The following CACNA2D1 variants were observed in gnomAD, a reference collection of about 807,000 sequenced individuals.
CACNA2D1 encodes the protein calcium voltage-gated channel auxiliary subunit alpha2delta 1, also known as voltage-dependent calcium channel subunit alpha-2/delta-1.
In CACNA2D1, 53 loss-of-function variants were observed where a neutral mutation model predicts 171.5. The observed-to-expected ratio is 0.31, with a 90% CI of 0.25 to 0.39. CACNA2D1 has a LOEUF of 0.39. CACNA2D1 is among the 10% of genes least tolerant of loss of function. CACNA2D1 has a pLI of 1.00. For synonymous variants in CACNA2D1, 442 were observed against 443.1 expected (o/e 1.00, Z 0.03); for missense variants, 903 against 1,299.8 (o/e 0.69, Z 4.69).
intron 6 of CACNA2D1, among the ~76,000 whole-genome samples, chr7:82,104,518 GT>G (rs1428052895): frequency 4.6e-5 from 7 of 151,932 alleles, no homozygotes; most frequent in African/African-American, 1.4e-4. Context: ...CTTAAGGACT[GT>G]TTATTCAAAT....
At chr7:82,111,444 A>ATATATT (rs1207440298) in intron 6 of CACNA2D1, among the ~76,000 whole-genome samples, 49 of 69,954 alleles carry the variant, frequency 7.0e-4, no homozygotes, top group South Asian at 1.5e-3. Context: ...ATATATATAT[A>ATATATT]TTTTTTTTTT....
chr7:82,353,712 A>G (rs1820104757), intron 1 of CACNA2D1, among the ~76,000 whole-genome samples: 1 of 152,140 alleles, frequency 6.6e-6, no homozygotes, highest in Non-Finnish European at 1.5e-5. Context: ...CAGTCATCAA[A>G]TAAGGTGAGA....
intron 6 of CACNA2D1, among the ~76,000 whole-genome samples, chr7:82,085,532 A>G (rs1460446430): frequency 6.9e-6 from 1 of 144,072 alleles, no homozygotes; most frequent in Non-Finnish European, 1.6e-5. Context: ...AAAAAAAAAA[A>G]AAAGAAAAAA....
intron 4 of CACNA2D1, among the ~76,000 whole-genome samples, chr7:82,146,949 C>T (rs1793196888): frequency 1.5e-5 from 2 of 130,012 alleles, no homozygotes; most frequent in Admixed American, 1.8e-4. Context: ...AGCACCACTG[C>T]TCTCCAGCCT....
intron 3 of CACNA2D1, among the ~76,000 whole-genome samples, chr7:82,303,301 C>G (rs1813283547): frequency 6.6e-6 from 1 of 152,100 alleles, no homozygotes; most frequent in Admixed American, 6.6e-5. Context: ...GCCACCACAT[C>G]CGGCCAACAT....
chr7:81,979,410 G>T (rs1345237619), intron 24 of CACNA2D1, among the ~76,000 whole-genome samples: 1 of 152,112 alleles, frequency 6.6e-6, no homozygotes, highest in Non-Finnish European at 1.5e-5. Flanking sequence ...AGAATTGAGA[G>T]ATATATCTAT....
At chr7:82,359,549 C>T (rs929352917) in intron 1 of CACNA2D1, among the ~76,000 whole-genome samples, 7 of 152,090 alleles carry the variant, frequency 4.6e-5, no homozygotes, top group African/African-American at 7.2e-5. Context: ...TCTTTAAATA[C>T]GTTTTCTTTC....
At chr7:82,004,735 A>G (rs965794260) in intron 18 of CACNA2D1, among the ~76,000 whole-genome samples, 2 of 152,210 alleles carry the variant, frequency 1.3e-5, no homozygotes, top group Non-Finnish European at 2.9e-5. Context: ...AGACGTCTAA[A>G]TAAATTTTGC....
At chr7:81,983,195 A>G in intron 23 of CACNA2D1, 119 bp downstream of exon 23, 4 of 849,824 alleles carry the variant, frequency 4.7e-6, no homozygotes, top group Non-Finnish European at 7.7e-6. Flanking sequence ...TTGAGTGATC[A>G]TGAAGGAAAA....
chr7:82,184,874 C>T (rs1563171171), intron 3 of CACNA2D1, among the ~76,000 whole-genome samples: 1 of 152,090 alleles, frequency 6.6e-6, no homozygotes, highest in African/African-American at 2.4e-5. Context: ...TACTCTTTAC[C>T]AAGCACTTTA....
chr7:82,402,603 C>T (rs530604280), intron 1 of CACNA2D1, among the ~76,000 whole-genome samples: 12 of 143,628 alleles, frequency 8.4e-5, no homozygotes, highest in African/African-American at 2.1e-4. Flanking sequence ...CCCAGCTATT[C>T]GGGAGGCTGA....
chr7:81,962,909 G>A (rs1474285824), intron 34 of CACNA2D1, among the ~76,000 whole-genome samples: 2 of 151,954 alleles, frequency 1.3e-5, no homozygotes, highest in Non-Finnish European at 2.9e-5. Context: ...TATACCATGG[G>A]TTTGAATTTG....
intron 1 of CACNA2D1, among the ~76,000 whole-genome samples, chr7:82,428,197 A>G (rs144772504): frequency 2.6e-5 from 4 of 152,334 alleles, no homozygotes; most frequent in African/African-American, 9.6e-5. Flanking sequence ...GTCACATACA[A>G]GAATGAAGCT....
intron 1 of CACNA2D1, among the ~76,000 whole-genome samples, chr7:82,366,239 A>G (rs1242752178): frequency 6.6e-6 from 1 of 152,116 alleles, no homozygotes; most frequent in African/African-American, 2.4e-5. Flanking sequence ...CTTTTGTTCT[A>G]GATTTGGGGA....
intron 8 of CACNA2D1, among the ~76,000 whole-genome samples, chr7:82,065,551 G>A (rs1196993510): frequency 6.6e-6 from 1 of 152,156 alleles, no homozygotes; most frequent in Non-Finnish European, 1.5e-5. Flanking sequence ...TATTAAACAT[G>A]GTTGGTGTAG....
At chr7:82,080,095 A>ATG (rs1342772119) in intron 7 of CACNA2D1, among the ~76,000 whole-genome samples, 2 of 150,116 alleles carry the variant, frequency 1.3e-5, no homozygotes, top group African/African-American at 4.9e-5. Flanking sequence ...ATATGTATAG[A>ATG]TGTGTGTATA....
rs756643377 is a variant in CACNA2D1, at chr7:82,060,485, T to G, written c.822A>C (p.Thr274=). The G allele has an allele frequency of 6.2e-7, 1 of 1,610,412 alleles. No individual in the cohort carries two copies. Among genetic ancestry groups the G allele is most frequent in the African/African-American group, 1.3e-5 (1 of 74,564 alleles). The part of the protein sequence containing the change: ...VSGLTLKLIR[T]SVSEMLETLS... ...GGGTTTCTAACATTTCGGAGACAGA[T>G]GTTCGGATCAGTTTAAGTGTCAATC... The change falls in exon 10 of 39, where the codon ACA becomes ACC. Residue 274 remains threonine (T), a synonymous_variant. Transcript: ENST00000356860.
At chr7:82,313,904 T>A (rs1232561053) in intron 3 of CACNA2D1, among the ~76,000 whole-genome samples, 1 of 152,308 alleles carries the variant, frequency 6.6e-6, no homozygotes, top group South Asian at 2.1e-4. Flanking sequence ...TAAAATATAT[T>A]ACTCCAAAAT....
At chr7:82,409,934 G>A (rs923431091) in intron 1 of CACNA2D1, among the ~76,000 whole-genome samples, 5 of 152,156 alleles carry the variant, frequency 3.3e-5, no homozygotes, top group African/African-American at 4.8e-5. Context: ...CAAACAACAC[G>A]CTACGGTACT....
Sources: allele counts gnomAD v4.1 joint callset (sites outside exome capture counted in the v4.1 genomes callset), GRCh38; gene constraint gnomAD v4.1.1; transcripts MANE v1.5; gene names NCBI Gene and HGNC (gene_info 2026-07-23, HGNC 2026-07-21).